The following TMEM209 variants were observed in gnomAD, a reference collection of about 807,000 sequenced individuals.
TMEM209 encodes the protein transmembrane protein 209, also known as testicular tissue protein Li 202.
In TMEM209, 65 loss-of-function variants were observed where a neutral mutation model predicts 76.2. The ratio of observed to expected loss-of-function variants is 0.85; its 90% confidence interval spans 0.70 to 1.05. TMEM209 has a LOEUF of 1.05. Ranked by LOEUF, TMEM209 falls within the 50% of genes least tolerant of loss-of-function variation. TMEM209 has a pLI of 0.00. For synonymous variants in TMEM209, 239 were observed against 237.6 expected, an observed-to-expected ratio of 1.01 and a Z score of -0.06; for missense variants, 623 against 685.5, an observed-to-expected ratio of 0.91 and a Z score of 1.02.
Position 130,178,518 on chromosome 7 carries a change from A to G in TMEM209, c.1130T>C (p.Ile377Thr), listed in dbSNP as rs1797313879. 1 of 1,613,332 alleles carries G rather than the reference A, an allele frequency of 6.2e-7. No individual in the cohort carries two copies. The highest frequency in any genetic ancestry group is 1.3e-5 in the African/African-American group (1 of 74,920). ...CAGGGCAGCTTGTTTCAAGCTAGTA[A>G]TACTAGCCTCTGTTAACATAAAACA... The part of the protein sequence containing the change: ...CPELQIGEAS[I>T]TSLKQAALVK... The change falls in exon 10 of 15, where the codon ATT becomes ACT. Residue 377 changes from isoleucine to threonine, a missense_variant. Transcript: ENST00000397622.
At position 130,173,830 on chromosome 7, in the gene TMEM209, T is replaced by C; in HGVS notation, c.1454A>G (p.Lys485Arg). 3 of 1,613,374 alleles carry C rather than the reference T, an allele frequency of 1.9e-6. No individual in the cohort carries two copies. The South Asian group carries it at 3.3e-5, about 18-fold the overall frequency. Residue 485 changes from lysine to arginine, a missense_variant, in exon 12 of 15, where the codon AAA (lysine) becomes AGA (arginine). Lys to Arg is a conservative substitution (Grantham distance 26, BLOSUM62 2). Transcript: ENST00000397622. ...CTTTTAGGAGAGGTTTATACCTGGT[T>C]TATTTGGTGTCTGAACAAAGTGCTG... is the stretch of plus-strand genomic sequence containing the variant. ...TSQHFVQTPN[K>R]PDVTNENVFC...
At chr7:130,203,736 A>G (rs1216317168) in intron 3 of TMEM209, 52 bp downstream of exon 3, 23 of 1,452,844 alleles carry the variant, frequency 1.6e-5, no homozygotes, top group Non-Finnish European at 2.0e-5. Flanking sequence ...ATTAAACCTG[A>G]AGGCAGTTTT....
rs1418292464 is a variant in TMEM209, at chr7:130,185,230, CTT to C, written c.911_912del (p.Lys304ArgfsTer2). ...TGTTTAGAGCTGAGATCGGCTTCAT[CTT>C]TGTTAGCACATGGGGCCTGAGACCT... ...ACRSQAPCAN[K>X]DEADLSSKQA... On this transcript the variant is annotated frameshift_variant, in exon 7 of 15. Coordinates refer to ENST00000397622, the MANE Select transcript of TMEM209 (RefSeq NM_032842.4). LOFTEE classifies it high-confidence loss of function. The C allele has an allele frequency of 1.9e-6, 3 of 1,613,714 alleles. No homozygotes were observed. In the African/African-American group the frequency reaches 4.0e-5, roughly 22 times the overall value.
At chr7:130,204,171 C>A (rs1316971296) in intron 1 of TMEM209, 61 bp from the exon 2 acceptor site, 1 of 1,519,946 alleles carries the variant, frequency 6.6e-7, no homozygotes, top group African/African-American at 1.4e-5. Flanking sequence ...ATTTAAAAAC[C>A]AAATTTTGCA....
intron 14 of TMEM209, among the ~76,000 whole-genome samples, chr7:130,167,848 T>C (rs1051750230): frequency 1.3e-5 from 2 of 152,196 alleles, no homozygotes; most frequent in African/African-American, 2.4e-5. Flanking sequence ...TTTTAAGTTA[T>C]AGGAAAGTTT....
chr7:130,202,240 G>A, intron 4 of TMEM209, 149 bp from the exon 5 acceptor site: 1 of 1,190,286 alleles, frequency 8.4e-7, no homozygotes, highest in Non-Finnish European at 1.1e-6. Context: ...ATTACCAAAG[G>A]ACACAAATTA....
At chr7:130,201,502 A>G (rs958492110) in intron 5 of TMEM209, among the ~76,000 whole-genome samples, 2 of 152,080 alleles carry the variant, frequency 1.3e-5, no homozygotes, top group Non-Finnish European at 1.5e-5. Context: ...CCACACTAAA[A>G]CTCTAAAAAG....
intron 6 of TMEM209, among the ~76,000 whole-genome samples, chr7:130,191,049 T>C (rs1797779368): frequency 6.6e-6 from 1 of 151,754 alleles, no homozygotes; most frequent in Admixed American, 6.6e-5. Context: ...TCCCACAAAA[T>C]ACTTATTAAT....
At chr7:130,172,040 G>A (rs1016853756) in intron 13 of TMEM209, among the ~76,000 whole-genome samples, 2 of 151,500 alleles carry the variant, frequency 1.3e-5, no homozygotes, top group Non-Finnish European at 2.9e-5. Flanking sequence ...CTCAAAAAAA[G>A]AGTAAAAAAT....
rs1295262117 is a variant in TMEM209, at chr7:130,181,665, T to G, written c.1078A>C (p.Thr360Pro). 1.9e-6 allele frequency: 3 copies of G among 1,612,696 alleles called. No individual in the cohort carries two copies. Among genetic ancestry groups the G allele is most frequent in the Non-Finnish European group, 2.5e-6 (3 of 1,179,410 alleles). Residue 360 changes from threonine (T) to proline (P), a missense_variant, in exon 9 of 15, where the codon ACA becomes CCA. Transcript: ENST00000397622. ...PLVQEIESVS[T>P]QMRRMGCPEL... ...GGACAACCCATTCGTCTCATCTGTG[T>G]GCTGACAGACTCAATCTCTTGAACA...
chr7:130,181,262 A>C (rs944834820), intron 9 of TMEM209, among the ~76,000 whole-genome samples: 6 of 152,248 alleles, frequency 3.9e-5, no homozygotes, highest in Admixed American at 2.6e-4. Context: ...CAACAGGCCT[A>C]TCTATAGAGA....
chr7:130,166,347 C>G lies in TMEM209; in HGVS notation c.*104G>C. 1.2e-6 allele frequency: 1 copy of G among 850,540 alleles called. No homozygotes were observed. The highest frequency in any genetic ancestry group is 1.8e-6 in the Non-Finnish European group (1 of 561,342). 52.7% of individuals were successfully genotyped at this position (850,540 alleles called of 1,614,324 possible). A position where few individuals can be genotyped will look rare whatever the true frequency, so the allele number is the denominator to read the frequency against. On this transcript the variant is annotated 3_prime_UTR_variant, in exon 15 of 15. Transcript: ENST00000397622. ...AAATCTAAAGAGTCTGTAACATACA[C>G]CCATGTGTATTTTATTTCAGAAGAG...
rs1461499582 is a variant in TMEM209, at chr7:130,205,185, C to T, written c.3+188G>A. On this transcript the variant is annotated intron_variant, in intron 1 of 14. Transcript: ENST00000397622. ...CGCGTCCCAATTTCCCAGTCCAGAG[C>T]TTCCCTCCCCGGCTCCTGGGCACGA... 3 of 1,510,748 alleles carry T rather than the reference C, an allele frequency of 2.0e-6. No homozygotes were observed. In the African/African-American group the frequency reaches 4.1e-5, roughly 21 times the overall value. The allele number at this position is 1,510,748 out of a possible 1,614,324, so 93.6% of individuals were successfully genotyped here. A position where few individuals can be genotyped will look rare whatever the true frequency, so the allele number is the denominator to read the frequency against.
intron 14 of TMEM209, among the ~76,000 whole-genome samples, chr7:130,167,473 T>C (rs1326835231): frequency 2.0e-5 from 3 of 152,156 alleles, no homozygotes; most frequent in African/African-American, 7.2e-5. Context: ...GCACACTTTA[T>C]GAAGAAATCT....
intron 7 of TMEM209, among the ~76,000 whole-genome samples, chr7:130,184,715 C>T (rs1797536883): frequency 6.6e-6 from 1 of 152,140 alleles, no homozygotes; most frequent in African/African-American, 2.4e-5. Context: ...TGGTCTCAAT[C>T]TCCTGACCTC....
At chr7:130,184,601 T>C (rs1797532687) in intron 7 of TMEM209, among the ~76,000 whole-genome samples, 1 of 151,040 alleles carries the variant, frequency 6.6e-6, no homozygotes, top group Admixed American at 6.6e-5. Flanking sequence ...CAAGCAATCC[T>C]CCCGCCTCAG....
At position 130,178,503 on chromosome 7, in the gene TMEM209, T is replaced by C; in HGVS notation, c.1145A>G (p.Gln382Arg). The part of the protein sequence containing the change: ...IGEASITSLK[Q>R]AALVKAPLIP... The stretch of plus-strand genomic sequence containing the variant: ...GAGAGGCGCTTTAACCAGGGCAGCT[T>C]GTTTCAAGCTAGTAATACTAGCCTC... The change falls in exon 10 of 15, where the codon CAA becomes CGA. Residue 382 changes from glutamine (Q) to arginine (R), a missense_variant. Physicochemically the swap from Gln to Arg is conservative, Grantham distance 43 (BLOSUM62 1). Coordinates refer to ENST00000397622, the MANE Select transcript of TMEM209 (RefSeq NM_032842.4). 1 of 1,613,808 alleles carries C rather than the reference T, an allele frequency of 6.2e-7. No homozygotes were observed. Among genetic ancestry groups the C allele is most frequent in the African/African-American group, 1.3e-5 (1 of 75,052 alleles).
chr7:130,179,842 T>C (rs2116988350), intron 9 of TMEM209, among the ~76,000 whole-genome samples: 1 of 152,334 alleles, frequency 6.6e-6, no homozygotes, highest in Non-Finnish European at 1.5e-5. Context: ...TGTGTGCCTG[T>C]AGTCCCAGCT....
chr7:130,204,974 G>C, intron 1 of TMEM209: 1 of 1,110,702 alleles, frequency 9.0e-7, no homozygotes, highest in Non-Finnish European at 1.1e-6. Flanking sequence ...TACTTATGAT[G>C]GGGTGGTGAG....
Sources: allele counts gnomAD v4.1 joint callset (sites outside exome capture counted in the v4.1 genomes callset), GRCh38; gene constraint gnomAD v4.1.1; transcripts MANE v1.5; gene names NCBI Gene and HGNC (gene_info 2026-07-23, HGNC 2026-07-21).